Variants in ADGRF5 observed in about 807,000 individuals in gnomAD.
ADGRF5 encodes the protein adhesion G protein-coupled receptor F5.
A neutral mutation model predicts 132.3 loss-of-function variants in ADGRF5; 75 were observed. That is an observed-to-expected ratio of 0.57 (90% confidence interval 0.47 to 0.69). The LOEUF is 0.69. Among genes scored for constraint, ADGRF5 ranks in the 30% least tolerant of loss-of-function variants. The pLI is 0.00. For missense variants in ADGRF5, 1,516 were observed against 1,630.6 expected (o/e 0.93, Z 1.21); for synonymous variants, 629 against 597.6 (o/e 1.05, Z -0.77).
At chr6:46,947,679 C>T (rs73470871) in intron 1 of ADGRF5, among the ~76,000 whole-genome samples, 20,482 of 152,234 alleles carry the variant, frequency 0.13, 1,571 homozygotes, top group Admixed American at 0.22. Flanking sequence ...GGCCCCACTT[C>T]GGACATTCGC....
intron 1 of ADGRF5, among the ~76,000 whole-genome samples, chr6:46,953,588 G>T (rs994626046): frequency 2.1e-5 from 3 of 146,136 alleles, no homozygotes; most frequent in African/African-American, 7.6e-5. Context: ...CTGTACTCCA[G>T]GCTGGGCGAC....
At chr6:46,938,868 C>T (rs932041905) in intron 1 of ADGRF5, among the ~76,000 whole-genome samples, 3 of 119,528 alleles carry the variant, frequency 2.5e-5, no homozygotes, top group Non-Finnish European at 5.0e-5. Context: ...ATTCTTTCTA[C>T]TTTTCTGATT....
chr6:46,939,876 T>A lies in ADGRF5; in HGVS notation c.-25+14858A>T, dbSNP rs140923558. 4.8e-3 allele frequency among the ~76,000 whole-genome samples: 729 copies of A among 152,354 alleles called. 1 individual carries two copies. Among genetic ancestry groups the A allele is most frequent in the Non-Finnish European group, 6.5e-3 (440 of 68,030 alleles). ...ATTCTCAATGGCATTTACATTTTAA[T>A]ACTATAGATGGAGGAGTTTAGACTA... On this transcript the variant is annotated intron_variant, in intron 1 of 20. Transcript: ENST00000265417.
chr6:46,922,199 G>A (rs1001441744), upstream of ADGRF5, among the ~76,000 whole-genome samples: 1 of 152,158 alleles, frequency 6.6e-6, no homozygotes, highest in African/African-American at 2.4e-5. Flanking sequence ...CAGGATGTCT[G>A]GTTTCAACTT....
At chr6:46,900,749 A>G (rs1033667842) in intron 2 of ADGRF5, among the ~76,000 whole-genome samples, 4 of 152,304 alleles carry the variant, frequency 2.6e-5, no homozygotes, top group Non-Finnish European at 5.9e-5. Context: ...AATGAGAATA[A>G]TAACAATATC....
At chr6:46,949,246 T>C (rs1309107926) in intron 1 of ADGRF5, among the ~76,000 whole-genome samples, 1 of 152,200 alleles carries the variant, frequency 6.6e-6, no homozygotes, top group Non-Finnish European at 1.5e-5. Flanking sequence ...CAAAGTGAGA[T>C]TGAAGAAAGC....
chr6:46,871,091 G>A (rs974695706), intron 11 of ADGRF5, among the ~76,000 whole-genome samples: 6 of 151,896 alleles, frequency 4.0e-5, no homozygotes, highest in Non-Finnish European at 5.9e-5. Context: ...AAACATGAAC[G>A]ACAGTTAACA....
At chr6:46,871,541 C>T (rs1373154122) in intron 11 of ADGRF5, among the ~76,000 whole-genome samples, 1 of 152,050 alleles carries the variant, frequency 6.6e-6, no homozygotes, top group African/African-American at 2.4e-5. Flanking sequence ...ATAGGGATAA[C>T]CTGAGTGGGA....
At chr6:46,953,672 T>TAG (rs1778606196) in intron 1 of ADGRF5, among the ~76,000 whole-genome samples, 1 of 133,406 alleles carries the variant, frequency 7.5e-6, no homozygotes, top group African/African-American at 3.0e-5. Flanking sequence ...TATATATATA[T>TAG]ATATATATAT....
At chr6:46,885,067 G>A (rs936742865) in intron 4 of ADGRF5, among the ~76,000 whole-genome samples, 4 of 151,970 alleles carry the variant, frequency 2.6e-5, no homozygotes, top group Admixed American at 6.6e-5. Flanking sequence ...GCTGGGCATG[G>A]TGGTGTGTCC....
chr6:46,858,004 T>C, intron 17 of ADGRF5, 125 bp downstream of exon 17: 1 of 682,134 alleles, frequency 1.5e-6, no homozygotes, highest in Non-Finnish European at 2.5e-6. Flanking sequence ...TTATTACTGC[T>C]CTTTAGAGCT....
chr6:46,916,892 A>G (rs1562236650), intron 1 of ADGRF5, among the ~76,000 whole-genome samples: 1 of 152,224 alleles, frequency 6.6e-6, no homozygotes, highest in African/African-American at 2.4e-5. Context: ...TTTGTCATAA[A>G]TATTAAGAGA....
Position 46,907,883 on chromosome 6 carries a change from G to A in ADGRF5, c.-24-1097C>T, listed in dbSNP as rs1180167304. The A allele has an allele frequency of 3.3e-5, 5 of 152,134 alleles. No individual in the cohort carries two copies. The East Asian group carries it at 5.8e-4, about 18-fold the overall frequency. The allele number at this position is 152,134 out of a possible 1,614,324, so 9.4% of individuals were successfully genotyped here. ...TCTCTCACAGAGTTTTCTGAGACTC[G>A]AATGAGATTAAAAGGCATGAAGAAC... On this transcript the variant is annotated intron_variant, in intron 1 of 20. Coordinates refer to ENST00000283296, the MANE Select transcript of ADGRF5 (RefSeq NM_001098518.2).
intron 9 of ADGRF5, among the ~76,000 whole-genome samples, chr6:46,878,861 A>G (rs1042815526): frequency 2.0e-5 from 3 of 152,188 alleles, no homozygotes; most frequent in African/African-American, 4.8e-5. Flanking sequence ...CAATGCGGCT[A>G]TTACATTCCA....
At chr6:46,915,606 T>G (rs922751514) in intron 1 of ADGRF5, among the ~76,000 whole-genome samples, 1 of 152,188 alleles carries the variant, frequency 6.6e-6, no homozygotes. Context: ...CTCTGAGAAA[T>G]GGCTTTGCTG....
At chr6:46,877,267 C>CT (rs1455980699) in intron 10 of ADGRF5, among the ~76,000 whole-genome samples, 1 of 39,906 alleles carries the variant, frequency 2.5e-5, no homozygotes, top group African/African-American at 1.6e-4. Flanking sequence ...TTCTTTCTTT[C>CT]TTTCTTTCTT....
At chr6:46,879,103 T>C (rs895258483) in intron 9 of ADGRF5, among the ~76,000 whole-genome samples, 1 of 152,076 alleles carries the variant, frequency 6.6e-6, no homozygotes, top group Non-Finnish European at 1.5e-5. Flanking sequence ...TACAGTTTAT[T>C]ATATATCAAT....
chr6:46,933,147 T>A (rs1163342591), intron 1 of ADGRF5, among the ~76,000 whole-genome samples: 1 of 152,164 alleles, frequency 6.6e-6, no homozygotes, highest in African/African-American at 2.4e-5. Context: ...CATAGAGACG[T>A]GGAATGCTGC....
chr6:46,874,880 G>C (rs1234927203), intron 10 of ADGRF5, among the ~76,000 whole-genome samples: 3 of 152,184 alleles, frequency 2.0e-5, no homozygotes, highest in Admixed American at 2.0e-4. Context: ...AGACATTTTT[G>C]GTTGTTGTAA....
Sources: allele counts gnomAD v4.1 joint callset (sites outside exome capture counted in the v4.1 genomes callset), GRCh38; gene constraint gnomAD v4.1.1; transcripts MANE v1.5; gene names NCBI Gene and HGNC (gene_info 2026-07-23, HGNC 2026-07-21).